RTL4: variants seen among roughly 807,000 people sequenced by gnomAD.
RTL4 encodes the protein retrotransposon Gag-like protein 4.
Under a neutral mutation model 5.3 loss-of-function variants are expected in RTL4, and 4 were observed. That is an observed-to-expected ratio of 0.75 (90% CI 0.37 to 1.72). The LOEUF (loss-of-function observed/expected upper bound fraction) is 1.72, where lower values mean the gene tolerates loss of function less well. Among genes scored for constraint, RTL4 ranks in the 40% most tolerant of loss-of-function variants. RTL4 has a pLI of 0.04. For missense variants in RTL4, 260 were observed against 227.1 expected, an observed-to-expected ratio of 1.14 and a Z score of -0.93; for synonymous variants, 98 against 87.3, an observed-to-expected ratio of 1.12 and a Z score of -0.68.
chrX:112,381,601 A>G, the RTL4 span: 2 of 1,191,971 alleles, frequency 1.7e-6, no homozygotes, highest in Admixed American at 2.2e-5. Context: ...AGATTGAGCG[A>G]AGAAGACAAG....
At chrX:112,406,313 G>C in the RTL4 span, among the ~76,000 whole-genome samples, 1 of 111,957 alleles carries the variant, frequency 8.9e-6, no homozygotes, top group African/African-American at 3.3e-5. Context: ...AGAAAGCACT[G>C]TGCTGGCATC....
At chrX:112,185,376 A>AATATATATATAT in the RTL4 span, among the ~76,000 whole-genome samples, 35 of 85,314 alleles carry the variant, frequency 4.1e-4, no homozygotes, top group African/African-American at 1.3e-3. Context: ...CTATTTTATT[A>AATATATATATAT]ATATATATAT....
the RTL4 span, among the ~76,000 whole-genome samples, chrX:112,193,077 C>T: frequency 1.8e-5 from 2 of 111,867 alleles, no homozygotes; most frequent in Non-Finnish European, 3.8e-5. Context: ...TATGTCATCT[C>T]ATTGCCTTTG....
the RTL4 span, among the ~76,000 whole-genome samples, chrX:112,166,621 G>A: frequency 8.9e-6 from 1 of 111,760 alleles, no homozygotes; most frequent in Non-Finnish European, 1.9e-5. Context: ...TTTTACTCAG[G>A]TTAACTGCAG....
chrX:112,150,630 A>C, the RTL4 span, among the ~76,000 whole-genome samples: 1 of 112,024 alleles, frequency 8.9e-6, no homozygotes, highest in Non-Finnish European at 1.9e-5. Flanking sequence ...AATCTGATAC[A>C]ATCTATGAAA....
chrX:112,104,104 C>T, the RTL4 span, among the ~76,000 whole-genome samples: 9 of 111,415 alleles, frequency 8.1e-5, no homozygotes, highest in East Asian at 5.6e-4. Context: ...CTGTACTTCT[C>T]GAAGAACAAA....
chrX:112,214,145 A>G, the RTL4 span, among the ~76,000 whole-genome samples: 6 of 111,771 alleles, frequency 5.4e-5, no homozygotes, highest in South Asian at 3.7e-4. Flanking sequence ...TTGTGTAACT[A>G]AAACTTTGTG....
chrX:112,279,785 T>G, the RTL4 span, among the ~76,000 whole-genome samples: 1 of 111,510 alleles, frequency 9.0e-6, no homozygotes, highest in Admixed American at 9.6e-5. Flanking sequence ...AATTTGATAT[T>G]GATTCAATAA....
the RTL4 span, among the ~76,000 whole-genome samples, chrX:112,291,879 G>A: frequency 9.1e-6 from 1 of 110,443 alleles, no homozygotes; most frequent in South Asian, 3.9e-4. Flanking sequence ...ACAGGCATGA[G>A]CCACCGTGCC....
At chrX:112,389,125 G>A in the RTL4 span, among the ~76,000 whole-genome samples, 14 of 110,232 alleles carry the variant, frequency 1.3e-4, no homozygotes, top group African/African-American at 4.6e-4. Flanking sequence ...TCTGCTCAGG[G>A]AATCAATTTC....
the RTL4 span, among the ~76,000 whole-genome samples, chrX:112,292,166 T>C: frequency 8.0e-5 from 9 of 111,989 alleles, no homozygotes; most frequent in Non-Finnish European, 1.7e-4. Context: ...GCTTTATACC[T>C]CTATTCAGGT....
the RTL4 span, among the ~76,000 whole-genome samples, chrX:112,325,552 AG>A: frequency 5.3e-5 from 6 of 112,448 alleles, no homozygotes; most frequent in Non-Finnish European, 1.1e-4. Context: ...AAATGGGGAA[AG>A]GATTCCCTAT....
At chrX:112,255,862 A>G in the RTL4 span, among the ~76,000 whole-genome samples, 3 of 111,727 alleles carry the variant, frequency 2.7e-5, no homozygotes, top group Admixed American at 9.5e-5. Context: ...ATCTTTCCTA[A>G]TTTATGGTAC....
the RTL4 span, among the ~76,000 whole-genome samples, chrX:112,321,648 C>T: frequency 5.4e-5 from 6 of 111,334 alleles, no homozygotes; most frequent in African/African-American, 9.8e-5. Flanking sequence ...CAAAGACAGA[C>T]GTATTGTAGT....
chrX:112,397,926 T>C, the RTL4 span, among the ~76,000 whole-genome samples: 2 of 112,096 alleles, frequency 1.8e-5, no homozygotes, highest in African/African-American at 6.5e-5. Flanking sequence ...ATTCATATTG[T>C]CTGGTGATAG....
At chrX:112,092,290 A>T in the RTL4 span, among the ~76,000 whole-genome samples, 1 of 111,141 alleles carries the variant, frequency 9.0e-6, no homozygotes, top group African/African-American at 3.3e-5. Flanking sequence ...TTGTTCTTCA[A>T]TTTCTCATTT....
chrX:112,134,170 C>T, the RTL4 span, among the ~76,000 whole-genome samples: 1 of 112,110 alleles, frequency 8.9e-6, no homozygotes, highest in Admixed American at 9.4e-5. Context: ...AGTGGAGCCT[C>T]TCTGATTGAA....
chrX:112,095,547 A>G, the RTL4 span, among the ~76,000 whole-genome samples: 1 of 111,661 alleles, frequency 9.0e-6, no homozygotes, highest in Admixed American at 9.5e-5. Context: ...CAATACCAAT[A>G]TATAGAGAAA....
the RTL4 span, among the ~76,000 whole-genome samples, chrX:112,293,384 T>C: frequency 8.9e-6 from 1 of 112,720 alleles, no homozygotes; most frequent in Non-Finnish European, 1.9e-5. Context: ...CTGCCAACTT[T>C]GTATAACACA....
Sources: allele counts gnomAD v4.1 joint callset (sites outside exome capture counted in the v4.1 genomes callset), GRCh38; gene constraint gnomAD v4.1.1; transcripts MANE v1.5; gene names NCBI Gene and HGNC (gene_info 2026-07-23, HGNC 2026-07-21).